Variants in TBC1D1 observed in about 807,000 individuals in gnomAD.
TBC1D1 encodes the protein TBC1 (tre-2/USP6, BUB2, cdc16) domain family, member 1.
Under a neutral mutation model 125.6 loss-of-function variants are expected in TBC1D1, and 89 were observed. The ratio of observed to expected loss-of-function variants is 0.71; its 90% CI spans 0.60 to 0.85. The LOEUF (loss-of-function observed/expected upper bound fraction) is 0.85, where lower values mean the gene tolerates loss of function less well. TBC1D1 is among the 40% of genes least tolerant of loss of function. The probability of loss-of-function intolerance (pLI) is 0.00; values close to 1 mark genes in which losing one functional copy is unlikely to be tolerated. For missense variants in TBC1D1, 1,377 were observed against 1,469.2 expected, an observed-to-expected ratio of 0.94 and a Z score of 1.03; for synonymous variants, 565 against 564.1, an observed-to-expected ratio of 1.00 and a Z score of -0.02.
At chr4:37,964,357 T>G (rs1730665927) in intron 2 of TBC1D1, among the ~76,000 whole-genome samples, 1 of 152,188 alleles carries the variant, frequency 6.6e-6, no homozygotes, top group Admixed American at 6.5e-5. Context: ...CTGTACTTCA[T>G]GTAAGGTGAT....
chr4:38,093,414 A>G (rs1758758508), intron 13 of TBC1D1, among the ~76,000 whole-genome samples: 1 of 151,960 alleles, frequency 6.6e-6, no homozygotes, highest in Admixed American at 6.6e-5. Flanking sequence ...TGAAGTTGTG[A>G]TTTCTCCAAA....
intron 15 of TBC1D1, among the ~76,000 whole-genome samples, chr4:38,105,613 T>A (rs557775562): frequency 6.6e-6 from 1 of 151,978 alleles, no homozygotes; most frequent in African/African-American, 2.4e-5. Context: ...CCCCCAGGAG[T>A]CCCTGGTGTC....
At chr4:38,015,008 C>G (rs1742389965) in intron 3 of TBC1D1, 35 bp downstream of exon 3, 1 of 1,487,622 alleles carries the variant, frequency 6.7e-7, no homozygotes. Flanking sequence ...CAGCCCCAGT[C>G]TGCCATACGC....
At chr4:38,108,606 G>A (rs977141394) in intron 15 of TBC1D1, among the ~76,000 whole-genome samples, 1 of 152,238 alleles carries the variant, frequency 6.6e-6, no homozygotes, top group Admixed American at 6.5e-5. Flanking sequence ...TGGCATGCCT[G>A]TGCTGCCGCG....
intron 11 of TBC1D1, among the ~76,000 whole-genome samples, chr4:38,052,724 G>GTGCACACA (rs1362899510): frequency 1.5e-4 from 9 of 60,006 alleles, no homozygotes; most frequent in Admixed American, 2.1e-4. Context: ...GCGCGCGCGC[G>GTGCACACA]CGCGCACACA....
intron 14 of TBC1D1, among the ~76,000 whole-genome samples, chr4:38,100,035 A>G (rs1760031342): frequency 1.3e-5 from 2 of 152,220 alleles, no homozygotes; most frequent in East Asian, 1.9e-4. Context: ...AAGCCCCACT[A>G]TAAATCACTT....
intron 2 of TBC1D1, among the ~76,000 whole-genome samples, chr4:37,951,655 G>T (rs7677622): frequency 0.7 from 106,119 of 152,100 alleles, 37,319 homozygotes; most frequent in East Asian, 0.96. Flanking sequence ...GAAGAGGAGA[G>T]GCGGTGACAC....
At chr4:37,962,215 T>C (rs1730197092) in intron 2 of TBC1D1, among the ~76,000 whole-genome samples, 1 of 152,182 alleles carries the variant, frequency 6.6e-6, no homozygotes, top group African/African-American at 2.4e-5. Context: ...TAAGTTTCCA[T>C]TAGGTGTGGG....
intron 15 of TBC1D1, among the ~76,000 whole-genome samples, chr4:38,103,639 G>A (rs1760748793): frequency 1.3e-5 from 2 of 152,120 alleles, no homozygotes; most frequent in African/African-American, 4.8e-5. Flanking sequence ...GTGGCACCTT[G>A]TCTCTTGAAT....
At chr4:38,109,768 C>T (rs1383286149) in intron 15 of TBC1D1, among the ~76,000 whole-genome samples, 1 of 152,214 alleles carries the variant, frequency 6.6e-6, no homozygotes, top group Non-Finnish European at 1.5e-5. Flanking sequence ...AGTGGGAAGA[C>T]TGATACTGGG....
intron 12 of TBC1D1, among the ~76,000 whole-genome samples, chr4:38,074,305 T>A (rs2152515223): frequency 6.6e-6 from 1 of 152,246 alleles, no homozygotes; most frequent in African/African-American, 2.4e-5. Context: ...TGTAAAGAAG[T>A]TAGTCATAGA....
intron 15 of TBC1D1, among the ~76,000 whole-genome samples, chr4:38,104,699 C>T (rs1377795579): frequency 6.6e-6 from 1 of 152,030 alleles, no homozygotes; most frequent in Non-Finnish European, 1.5e-5. Flanking sequence ...GTCCTTTCCT[C>T]TCAAGCCACG....
chr4:38,093,752 C>T (rs546759612), intron 13 of TBC1D1, among the ~76,000 whole-genome samples: 2 of 152,022 alleles, frequency 1.3e-5, no homozygotes, highest in African/African-American at 4.8e-5. Context: ...AGAATGGTCT[C>T]GAACTCCTGA....
At chr4:37,982,048 C>T (rs1490272232) in intron 2 of TBC1D1, among the ~76,000 whole-genome samples, 2 of 152,140 alleles carry the variant, frequency 1.3e-5, no homozygotes, top group Non-Finnish European at 1.5e-5. Context: ...ATGTTGAGTA[C>T]GAGTACAACT....
intron 2 of TBC1D1, among the ~76,000 whole-genome samples, chr4:37,993,664 C>T (rs1737142702): frequency 6.6e-6 from 1 of 152,348 alleles, no homozygotes; most frequent in East Asian, 1.9e-4. Flanking sequence ...TCACTGCAAC[C>T]TCCGCCTCCC....
intron 2 of TBC1D1, among the ~76,000 whole-genome samples, chr4:38,008,942 AG>A (rs1740907832): frequency 2.0e-5 from 3 of 152,212 alleles, no homozygotes; most frequent in Non-Finnish European, 2.9e-5. Flanking sequence ...GATTGAATCT[AG>A]TCCTGTCAGG....
chr4:38,028,188 CAG>C (rs1199888618), intron 7 of TBC1D1, among the ~76,000 whole-genome samples: 7 of 151,890 alleles, frequency 4.6e-5, no homozygotes, highest in African/African-American at 7.3e-5. Context: ...GTTTTTTTGA[CAG>C]AGTCTTGCTC....
chr4:38,014,208 G>A lies in TBC1D1; in HGVS notation c.418-301G>A, dbSNP rs553338358. ...GCTAGGTTGGGCTGTGTGTGTTCCCGGGCTGGTGGTTTAACCTTGCAGGGT... is the reference window on the plus strand; with the variant it reads ...GCTAGGTTGGGCTGTGTGTGTTCCCAGGCTGGTGGTTTAACCTTGCAGGGT... On this transcript the variant is annotated intron_variant, in intron 2 of 19. Transcript: ENST00000261439. The surrounding 1 kb of genome is among the most constrained non-coding windows in gnomAD (Gnocchi z 5.1). Among the ~76,000 whole-genome samples, 1 of 152,126 alleles carries A rather than the reference G, an allele frequency of 6.6e-6. No individual in the cohort carries two copies. Among genetic ancestry groups the A allele is most frequent in the Non-Finnish European group, 1.5e-5 (1 of 68,008 alleles).
intron 15 of TBC1D1, among the ~76,000 whole-genome samples, chr4:38,109,704 C>A (rs974508616): frequency 6.6e-6 from 1 of 152,196 alleles, no homozygotes; most frequent in Non-Finnish European, 1.5e-5. Context: ...CTCCCTTAAT[C>A]TCCTAACCCT....
Sources: allele counts gnomAD v4.1 joint callset (sites outside exome capture counted in the v4.1 genomes callset), GRCh38; gene constraint gnomAD v4.1.1; non-coding constraint Gnocchi (gnomAD v3.1); transcripts MANE v1.5; gene names NCBI Gene and HGNC (gene_info 2026-07-23, HGNC 2026-07-21).